NOL11: variants seen among roughly 807,000 people sequenced by gnomAD.
NOL11 encodes nucleolar protein 11.
Under a neutral mutation model 93.0 loss-of-function variants are expected in NOL11, and 42 were observed. The ratio of observed to expected loss-of-function variants is 0.45; its 90% CI spans 0.35 to 0.58. The LOEUF is 0.58. Among genes scored for constraint, NOL11 ranks in the 20% least tolerant of loss-of-function variants. NOL11 has a pLI of 0.00. For synonymous variants in NOL11, 296 were observed against 293.7 expected (o/e 1.01, Z -0.08); for missense variants, 775 against 841.8 (o/e 0.92, Z 0.98).
intron 7 of NOL11, among the ~76,000 whole-genome samples, chr17:67,729,059 C>T (rs998965046): frequency 6.6e-5 from 10 of 150,906 alleles, no homozygotes; most frequent in African/African-American, 2.4e-4. Flanking sequence ...CACTGGTGTT[C>T]GTTGTGCATC....
In NOL11 at chr17:67,723,932, A is replaced by T. The variant is rs556167780; in HGVS notation, c.520-117A>T. On this transcript the variant is annotated intron_variant, in intron 5 of 17. Transcript: ENST00000253247. ...AAACAAACAAATTTGATAGCATAAG[A>T]TGTTTTTAAGTACTCATTGATGTAA... 91 of 643,676 alleles carry T rather than the reference A, an allele frequency of 1.4e-4. No individual in the cohort carries two copies. The African/African-American group carries it at 1.5e-3, about 11-fold the overall frequency. 39.9% of individuals were successfully genotyped at this position (643,676 alleles called of 1,614,324 possible). A position where few individuals can be genotyped will look rare whatever the true frequency, so the allele number is the denominator to read the frequency against.
At chr17:67,736,494 C>T (rs192254428) in intron 9 of NOL11, 172 bp from the exon 10 acceptor site, 32 of 560,192 alleles carry the variant, frequency 5.7e-5, no homozygotes, top group African/African-American at 5.6e-4. Context: ...GTTGGACATA[C>T]AGCCTTTTCA....
At chr17:67,734,052 G>C (rs1232278972) in intron 7 of NOL11, among the ~76,000 whole-genome samples, 2 of 152,080 alleles carry the variant, frequency 1.3e-5, no homozygotes, top group African/African-American at 4.8e-5. Flanking sequence ...AAAGAGTTTG[G>C]GAAGATTTGT....
At chr17:67,725,940 G>A (rs2055087982) in intron 6 of NOL11, among the ~76,000 whole-genome samples, 1 of 152,100 alleles carries the variant, frequency 6.6e-6, no homozygotes, top group Admixed American at 6.6e-5. Flanking sequence ...TTAATTAGCT[G>A]GGTGAGGTTT....
At chr17:67,730,977 G>C (rs1025007413) in intron 7 of NOL11, among the ~76,000 whole-genome samples, 3 of 152,198 alleles carry the variant, frequency 2.0e-5, no homozygotes. Context: ...TGGGTGTGAA[G>C]TAGTACTTCA....
intron 7 of NOL11, among the ~76,000 whole-genome samples, chr17:67,729,352 C>T (rs567261624): frequency 2.0e-5 from 3 of 152,110 alleles, no homozygotes; most frequent in Non-Finnish European, 4.4e-5. Context: ...CTCGTGACCT[C>T]AAGTGATCCA....
chr17:67,735,974 GTCA>G lies in NOL11; in HGVS notation c.1010_1012del (p.Ser337del). ...CTGTGATTCCATACAAGTGTGAAGT[GTCA>G]TCATTAGCAGGTGCTCTTGGAAAAC... On this transcript the variant is annotated inframe_deletion, in exon 9 of 18. Transcript: ENST00000253247. 1.9e-6 allele frequency: 3 copies of G among 1,611,734 alleles called. No homozygotes were observed. Among genetic ancestry groups the G allele is most frequent in the Non-Finnish European group, 2.5e-6 (3 of 1,178,640 alleles).
chr17:67,728,667 G>A (rs1196646390), intron 7 of NOL11, among the ~76,000 whole-genome samples: 1 of 152,028 alleles, frequency 6.6e-6, no homozygotes, highest in East Asian at 1.9e-4. Flanking sequence ...ACTACTTAAG[G>A]GGTTTTTTCC....
In NOL11 at chr17:67,727,287, G is replaced by A. The variant is rs183985397; in HGVS notation, c.853+639G>A. 1.2e-3 allele frequency among the ~76,000 whole-genome samples: 179 copies of A among 152,320 alleles called. 1 individual carries two copies. The highest frequency in any genetic ancestry group is 6.8e-3 in the Middle Eastern group (2 of 294). On this transcript the variant is annotated intron_variant, in intron 7 of 17. Coordinates refer to ENST00000253247, the MANE Select transcript of NOL11 (RefSeq NM_015462.5). The stretch of plus-strand genomic sequence containing the variant: ...CCCAAATTCTGAGCAAGAACCCTCT[G>A]CTTTATTCAGGCAGTGCTCTCTATT...
intron 3 of NOL11, 89 bp from the exon 4 acceptor site, chr17:67,721,289 G>C (rs2043215989): frequency 1.3e-6 from 1 of 748,378 alleles, no homozygotes; most frequent in Non-Finnish European, 2.0e-6. Flanking sequence ...AAATAAAGCA[G>C]TCACTTAAAA....
intron 3 of NOL11, among the ~76,000 whole-genome samples, chr17:67,720,608 T>C (rs1482490777): frequency 6.6e-6 from 1 of 152,154 alleles, no homozygotes; most frequent in Non-Finnish European, 1.5e-5. Context: ...GCCCATGTAT[T>C]GTACATTTTG....
chr17:67,726,324 A>G (rs1338298996), intron 6 of NOL11, 136 bp from the exon 7 acceptor site: 2 of 579,672 alleles, frequency 3.5e-6, no homozygotes, highest in South Asian at 3.3e-5. Context: ...GAGAAAGCAC[A>G]GTGATGGGAT....
At chr17:67,739,469 A>T (rs939186656) in intron 15 of NOL11, 47 bp from the exon 16 acceptor site, 3 of 1,217,692 alleles carry the variant, frequency 2.5e-6, no homozygotes, top group African/African-American at 3.1e-5. Flanking sequence ...TATAATAGAA[A>T]TTTTTTCTAT....
chr17:67,739,202 C>T (rs929023399), intron 15 of NOL11, among the ~76,000 whole-genome samples, 192 bp downstream of exon 15: 1 of 152,122 alleles, frequency 6.6e-6, no homozygotes, highest in Admixed American at 6.6e-5. Flanking sequence ...ATGGCATATT[C>T]CTTGTGCCAA....
chr17:67,719,942 G>T lies in NOL11; in HGVS notation c.292G>T (p.Asp98Tyr). ...ATGGAATAATGAAGATGTAAACCTG[G>T]ATAAAGTATTTAAAGCTACAGTAAG... ...RIWNNEDVNL[D>Y]KVFKATLSAE... is the part of the protein sequence containing the mutation. Residue 98 changes from aspartate to tyrosine, a missense_variant, in exon 3 of 18, where the codon GAT (aspartate) becomes TAT (tyrosine). Around this residue, in one of 2 missense-constraint regions of NOL11, gnomAD observed 359 missense variants for 316.5 expected, o/e 1.13. Transcript: ENST00000253247. 1.3e-6 allele frequency: 2 copies of T among 1,571,074 alleles called. No homozygotes were observed. Among genetic ancestry groups the T allele is most frequent in the South Asian group, 1.2e-5 (1 of 85,356 alleles).
At chr17:67,729,468 C>G (rs1057076376) in intron 7 of NOL11, among the ~76,000 whole-genome samples, 1 of 151,962 alleles carries the variant, frequency 6.6e-6, no homozygotes, top group African/African-American at 2.4e-5. Context: ...ACCTGTGGAC[C>G]CATTAGGCAG....
At chr17:67,726,809 G>A in intron 7 of NOL11, 161 bp downstream of exon 7, 1 of 505,240 alleles carries the variant, frequency 2.0e-6, no homozygotes, top group South Asian at 4.1e-5. Flanking sequence ...TTCTTGAATT[G>A]GTTTTTATTT....
Position 67,737,751 on chromosome 17 carries a change from A to G in NOL11, c.1403+59A>G, listed in dbSNP as rs141233361. The G allele has an allele frequency of 3.1e-4, 495 of 1,580,318 alleles. 5 individuals are homozygous for G. The East Asian group carries it at 9.5e-3, about 30-fold the overall frequency. ...TAATTCTTCTGACCTTGTTTTTTAT[A>G]GTTCTAATCTTCTGAAACTCTCAAA... On this transcript the variant is annotated intron_variant, in intron 12 of 17. Transcript: ENST00000253247.
intron 16 of NOL11, 140 bp downstream of exon 16, chr17:67,739,748 C>A (rs2055237786): frequency 1.7e-6 from 1 of 600,120 alleles, no homozygotes; most frequent in African/African-American, 2.0e-5. Flanking sequence ...AACCAAACCA[C>A]TGCAGCTAGA....
Sources: allele counts gnomAD v4.1 joint callset (sites outside exome capture counted in the v4.1 genomes callset), GRCh38; gene constraint gnomAD v4.1.1; regional missense constraint gnomAD v4.1.1; transcripts MANE v1.5; gene names NCBI Gene and HGNC (gene_info 2026-07-23, HGNC 2026-07-21).